PLEKHA1: variants seen among roughly 807,000 people sequenced by gnomAD.
PLEKHA1 encodes the protein pleckstrin homology domain-containing family A member 1.
Under a neutral mutation model 52.0 loss-of-function variants are expected in PLEKHA1, and 34 were observed. The observed-to-expected ratio is 0.65, with a 90% CI of 0.50 to 0.87. The LOEUF is 0.87. PLEKHA1 is among the 40% of genes least tolerant of loss of function. PLEKHA1 has a pLI of 0.00. For synonymous variants in PLEKHA1, 163 were observed against 170.7 expected, an observed-to-expected ratio of 0.95 and a Z score of 0.35; for missense variants, 497 against 504.2, an observed-to-expected ratio of 0.99 and a Z score of 0.14.
chr10:122,382,399 TATCCATTAGTACC>T (rs952250631), intron 1 of PLEKHA1, among the ~76,000 whole-genome samples: 18 of 152,248 alleles, frequency 1.2e-4, no homozygotes, highest in Non-Finnish European at 2.2e-4. Context: ...AGAGAAGTGG[TATCCATTAGTACC>T]TAGCTTCTAG....
At chr10:122,410,010 T>C (rs1314638466) in intron 5 of PLEKHA1, among the ~76,000 whole-genome samples, 7 of 152,120 alleles carry the variant, frequency 4.6e-5, no homozygotes, top group African/African-American at 1.7e-4. Context: ...TTAAAACTCC[T>C]GGCCTCAAGT....
At chr10:122,404,398 C>G (rs1467651016) in intron 4 of PLEKHA1, among the ~76,000 whole-genome samples, 1 of 151,998 alleles carries the variant, frequency 6.6e-6, no homozygotes, top group East Asian at 1.9e-4. Flanking sequence ...TATATTTATT[C>G]AAAAGTATAT....
At chr10:122,408,551 A>T (rs908675312) in intron 5 of PLEKHA1, among the ~76,000 whole-genome samples, 3 of 152,180 alleles carry the variant, frequency 2.0e-5, no homozygotes, top group Non-Finnish European at 2.9e-5. Context: ...GAAGTTATAG[A>T]AATCCTTATT....
Position 122,431,544 on chromosome 10 carries a change from A to G in PLEKHA1, c.*1606A>G, listed in dbSNP as rs2097417078. On this transcript the variant is annotated 3_prime_UTR_variant, in exon 12 of 12. Transcript: ENST00000368990. ...ACTGTTTTGTTTTGAATTCATGCAT[A>G]TCATTGAAAATTTCTCGTTTTCATT... 6.6e-6 allele frequency: 1 copy of G among 152,638 alleles called. No homozygotes were observed. The highest frequency in any genetic ancestry group is 1.5e-5 in the Non-Finnish European group (1 of 68,032). 9.5% of individuals were successfully genotyped at this position (152,638 alleles called of 1,614,324 possible). A position where few individuals can be genotyped will look rare whatever the true frequency, so the allele number is the denominator to read the frequency against.
intron 5 of PLEKHA1, among the ~76,000 whole-genome samples, chr10:122,408,003 G>A (rs748824360): frequency 6.6e-6 from 1 of 152,138 alleles, no homozygotes; most frequent in Admixed American, 6.5e-5. Flanking sequence ...AAACGCCTAC[G>A]CACCGCATCT....
the PLEKHA1 span, chr10:122,440,719 A>G: frequency 3.9e-5 from 6 of 152,316 alleles, no homozygotes; most frequent in East Asian, 1.9e-4. Flanking sequence ...TTTAAAAGCC[A>G]AAGACTTCAA....
intron 11 of PLEKHA1, chr10:122,428,352 T>C: frequency 6.5e-7 from 1 of 1,545,380 alleles, no homozygotes; most frequent in South Asian, 1.2e-5. Context: ...AGCACGTATG[T>C]GGGCTCTCAC....
At chr10:122,385,665 T>C (rs1478768729) in intron 1 of PLEKHA1, among the ~76,000 whole-genome samples, 1 of 152,216 alleles carries the variant, frequency 6.6e-6, no homozygotes, top group Non-Finnish European at 1.5e-5. Flanking sequence ...GATTTATTCA[T>C]GTTGTTGCAT....
At position 122,403,848 on chromosome 10, in the gene PLEKHA1, C is replaced by T. The variant is rs1488115712; in HGVS notation, c.245-2728C>T. On this transcript the variant is annotated intron_variant, in intron 4 of 11. Coordinates refer to ENST00000368990, the MANE Select transcript of PLEKHA1 (RefSeq NM_001001974.4). ...CTGGGATTACAGGTGCCCACCACCACGCCTGGCTAATTTTTGTATTTTGAG... is the reference window on the plus strand; with the variant it reads ...CTGGGATTACAGGTGCCCACCACCATGCCTGGCTAATTTTTGTATTTTGAG... 2.6e-5 allele frequency among the ~76,000 whole-genome samples: 4 copies of T among 152,062 alleles called. No individual in the cohort carries two copies. In the East Asian group the frequency reaches 5.8e-4, roughly 22 times the overall value.
At chr10:122,386,291 C>T (rs1273327952) in intron 1 of PLEKHA1, among the ~76,000 whole-genome samples, 4 of 129,290 alleles carry the variant, frequency 3.1e-5, no homozygotes, top group African/African-American at 1.2e-4. Context: ...TGTTCTTAGT[C>T]AGCTTGTGTG....
intron 1 of PLEKHA1, among the ~76,000 whole-genome samples, chr10:122,385,782 T>C (rs2096685530): frequency 6.6e-6 from 1 of 152,250 alleles, no homozygotes; most frequent in African/African-American, 2.4e-5. Context: ...AAAATACATT[T>C]GACATTTATT....
chr10:122,418,216 A>C (rs2097206237), intron 8 of PLEKHA1: 1 of 358,212 alleles, frequency 2.8e-6, no homozygotes, highest in African/African-American at 2.1e-5. Flanking sequence ...AGAATCCTCT[A>C]GTCTATAAAT....
rs2097404553 is a variant in PLEKHA1, at chr10:122,430,177, CATT to C, written c.*240_*242del. On this transcript the variant is annotated 3_prime_UTR_variant, in exon 12 of 12. Coordinates refer to ENST00000368990, the MANE Select transcript of PLEKHA1 (RefSeq NM_001001974.4). ...ATATCTCAGTATCATCTGTCTGAAG[CATT>C]GTGTGTTCTCATTCGGGTGGTAACA... The C allele has an allele frequency of 2.4e-6, 1 of 418,542 alleles. No homozygotes were observed. The highest frequency in any genetic ancestry group is 4.2e-6 in the Non-Finnish European group (1 of 239,822). 25.9% of individuals were successfully genotyped at this position (418,542 alleles called of 1,614,324 possible). A position where few individuals can be genotyped will look rare whatever the true frequency, so the allele number is the denominator to read the frequency against.
intron 1 of PLEKHA1, among the ~76,000 whole-genome samples, chr10:122,379,709 A>G (rs1280606788): frequency 6.6e-6 from 1 of 152,168 alleles, no homozygotes; most frequent in Non-Finnish European, 1.5e-5. Flanking sequence ...ATGTCTATAT[A>G]TCCTCAGCTT....
intron 3 of PLEKHA1, among the ~76,000 whole-genome samples, chr10:122,398,321 CT>C (rs11335400): frequency 0.56 from 84,795 of 151,582 alleles, 24,319 homozygotes; most frequent in African/African-American, 0.66. Context: ...CTGTTTTCAA[CT>C]TTTAAATCCC....
chr10:122,429,961 C>T lies in PLEKHA1; in HGVS notation c.*23C>T. 6.3e-7 allele frequency: 1 copy of T among 1,584,574 alleles called. No individual in the cohort carries two copies. Among genetic ancestry groups the T allele is most frequent in the Non-Finnish European group, 8.6e-7 (1 of 1,166,080 alleles). ...TGAGGCAGAAGCGCACGGAGCCTGC[C>T]TGCCTCTGCCGTCCTCAGTTTCCTT... On this transcript the variant is annotated 3_prime_UTR_variant, in exon 12 of 12. Coordinates refer to ENST00000368990, the MANE Select transcript of PLEKHA1 (RefSeq NM_001001974.4).
chr10:122,422,496 G>C (rs2097274019), intron 8 of PLEKHA1: 1 of 152,216 alleles, frequency 6.6e-6, no homozygotes, highest in Admixed American at 6.5e-5. Context: ...ACAGTGTCAT[G>C]TCTGTGGCTT....
At chr10:122,394,556 T>C (rs925780827) in intron 2 of PLEKHA1, among the ~76,000 whole-genome samples, 9 of 152,200 alleles carry the variant, frequency 5.9e-5, no homozygotes, top group Admixed American at 3.9e-4. Context: ...CAGAGACTTA[T>C]ACAAGGTTCT....
intron 11 of PLEKHA1, 93 bp from the exon 12 acceptor site, chr10:122,429,531 T>TGTG (rs1565351298): frequency 2.0e-4 from 200 of 1,015,806 alleles, no homozygotes; most frequent in Non-Finnish European, 2.4e-4. Flanking sequence ...TGTGTGTGTG[T>TGTG]TTTATTTGTT....
Sources: allele counts gnomAD v4.1 joint callset (sites outside exome capture counted in the v4.1 genomes callset), GRCh38; gene constraint gnomAD v4.1.1; transcripts MANE v1.5; gene names NCBI Gene and HGNC (gene_info 2026-07-23, HGNC 2026-07-21).